NRG1: variants seen among roughly 807,000 people sequenced by gnomAD.
NRG1 encodes neuregulin 1, also known as pro-neuregulin-1, membrane-bound isoform.
NRG1 carries 18 observed loss-of-function variants against 63.8 expected under a neutral mutation model. The observed-to-expected ratio is 0.28, with a 90% confidence interval of 0.19 to 0.42. The LOEUF is 0.42. Ranked by LOEUF, NRG1 falls within the 10% of genes least tolerant of loss-of-function variation. NRG1 has a pLI of 1.00. For synonymous variants in NRG1, 302 were observed against 301.3 expected (o/e 1.00, Z -0.02); for missense variants, 762 against 814.7 (o/e 0.94, Z 0.79).
chr8:32,166,240 C>G (rs1839388552), intron 1 of NRG1, among the ~76,000 whole-genome samples: 1 of 151,830 alleles, frequency 6.6e-6, no homozygotes, highest in Admixed American at 6.6e-5. Flanking sequence ...GTTTTGTTCT[C>G]TTTTTTTTCA....
At chr8:32,420,895 A>G (rs775599489) in intron 1 of NRG1, among the ~76,000 whole-genome samples, 6 of 152,086 alleles carry the variant, frequency 3.9e-5, no homozygotes, top group Non-Finnish European at 8.8e-5. Flanking sequence ...TGCTGTTCCT[A>G]TGATAGTGAG....
At chr8:32,647,751 G>A in intron 5 of NRG1, 2 of 1,589,760 alleles carry the variant, frequency 1.3e-6, no homozygotes, top group South Asian at 1.1e-5. Context: ...GTCTGAGGTC[G>A]CCGCCGAGAG....
At chr8:31,973,157 G>T (rs751190175) in intron 1 of NRG1, among the ~76,000 whole-genome samples, 37 of 152,108 alleles carry the variant, frequency 2.4e-4, no homozygotes, top group Admixed American at 3.3e-4. Context: ...TTTTTCCCAA[G>T]TTCATATGCT....
chr8:32,306,189 T>C (rs2129475559), intron 1 of NRG1, among the ~76,000 whole-genome samples: 2 of 152,338 alleles, frequency 1.3e-5, no homozygotes, highest in East Asian at 1.9e-4. Context: ...AGAGTGTGCA[T>C]TTGTAAATGT....
intron 1 of NRG1, among the ~76,000 whole-genome samples, chr8:32,341,227 A>C (rs1287607629): frequency 2.0e-5 from 3 of 152,158 alleles, no homozygotes; most frequent in African/African-American, 7.2e-5. Flanking sequence ...GGTCTCTTAT[A>C]ATGAGTCATG....
intron 1 of NRG1, among the ~76,000 whole-genome samples, chr8:31,823,977 A>G (rs1312819804): frequency 6.6e-6 from 1 of 152,018 alleles, no homozygotes; most frequent in Non-Finnish European, 1.5e-5. Flanking sequence ...TATGTCTGTG[A>G]TTGTAAGCTT....
At chr8:31,853,199 G>A (rs866595672) in intron 1 of NRG1, among the ~76,000 whole-genome samples, 7 of 152,270 alleles carry the variant, frequency 4.6e-5, no homozygotes, top group African/African-American at 1.4e-4. Flanking sequence ...CATTACCTTA[G>A]GCAGTAAGGT....
At chr8:32,554,324 TAA>T in intron 1 of NRG1, among the ~76,000 whole-genome samples, 1 of 147,878 alleles carries the variant, frequency 6.8e-6, no homozygotes, top group African/African-American at 2.5e-5. Flanking sequence ...TTTAATGGGT[TAA>T]AAAAAAAAGC....
intron 1 of NRG1, among the ~76,000 whole-genome samples, chr8:31,809,741 G>GTTTTTTT (rs753730069): frequency 7.4e-5 from 5 of 68,026 alleles, no homozygotes; most frequent in Non-Finnish European, 1.0e-4. Context: ...TCTATTAATT[G>GTTTTTTT]TTTTTTTTTT....
At chr8:32,640,271 A>ACG (rs1554614853) in intron 5 of NRG1, among the ~76,000 whole-genome samples, 5 of 151,210 alleles carry the variant, frequency 3.3e-5, no homozygotes, top group African/African-American at 7.3e-5. Flanking sequence ...ACACACACAC[A>ACG]CACGCACGCA....
intron 1 of NRG1, among the ~76,000 whole-genome samples, chr8:32,045,875 C>G (rs1026919851): frequency 1.3e-4 from 19 of 151,626 alleles, no homozygotes; most frequent in Non-Finnish European, 2.1e-4. Context: ...TCTTCATGAC[C>G]TAGAGTTAGG....
chr8:32,628,983 C>T (rs1465237426), intron 5 of NRG1, among the ~76,000 whole-genome samples: 1 of 152,126 alleles, frequency 6.6e-6, no homozygotes, highest in East Asian at 1.9e-4. Context: ...ATCCACCCGC[C>T]TTGGCCTCCC....
chr8:32,047,220 C>T (rs949979724), intron 1 of NRG1, among the ~76,000 whole-genome samples: 1 of 152,006 alleles, frequency 6.6e-6, no homozygotes, highest in Non-Finnish European at 1.5e-5. Context: ...GGAACTTTAC[C>T]TAATTCACCC....
At chr8:32,711,713 A>T (rs969869429) in intron 5 of NRG1, among the ~76,000 whole-genome samples, 3 of 152,142 alleles carry the variant, frequency 2.0e-5, no homozygotes, top group African/African-American at 7.2e-5. Flanking sequence ...TCATTTCTCC[A>T]GTTCCTCCCT....
chr8:32,685,270 C>T (rs1024043584), intron 5 of NRG1, among the ~76,000 whole-genome samples: 1 of 152,108 alleles, frequency 6.6e-6, no homozygotes, highest in Non-Finnish European at 1.5e-5. Context: ...TCAGCTCTGC[C>T]ACCATCACTG....
intron 1 of NRG1, among the ~76,000 whole-genome samples, chr8:31,970,114 A>G (rs766829041): frequency 3.5e-4 from 54 of 152,174 alleles, no homozygotes; most frequent in African/African-American, 1.2e-3. Context: ...TTTCAAGCGT[A>G]TCTTTCCAAC....
intron 1 of NRG1, among the ~76,000 whole-genome samples, chr8:31,961,109 GTAACT>G (rs765153591): frequency 5.3e-5 from 8 of 152,170 alleles, no homozygotes; most frequent in Non-Finnish European, 8.8e-5. Flanking sequence ...TAAATTAAAA[GTAACT>G]TAATTTACTC....
At chr8:32,769,038 T>C (rs1831621141), downstream of NRG1, among the ~76,000 whole-genome samples, 1 of 152,214 alleles carries the variant, frequency 6.6e-6, no homozygotes, top group Non-Finnish European at 1.5e-5. Context: ...TTAGTTTTCA[T>C]GCACATACAA....
chr8:32,062,353 G>T (rs1402367265), intron 1 of NRG1, among the ~76,000 whole-genome samples: 1 of 151,824 alleles, frequency 6.6e-6, no homozygotes, highest in African/African-American at 2.4e-5. Flanking sequence ...AGGATCTCCT[G>T]GATTTTGAAA....
Sources: gnomAD v4.1 joint callset for allele counts (sites outside exome capture counted in the v4.1 genomes callset) on GRCh38, gnomAD v4.1.1 for gene constraint, MANE v1.5 for transcripts, NCBI Gene and HGNC (gene_info 2026-07-23, HGNC 2026-07-21) for gene names.